Variants in PFAS observed in about 807,000 individuals in gnomAD.
PFAS encodes phosphoribosylformylglycinamidine synthase, also known as FGAM synthase.
In PFAS, 97 loss-of-function variants were observed where a neutral mutation model predicts 140.6. The observed-to-expected ratio is 0.69, with a 90% CI of 0.59 to 0.82. The LOEUF is 0.82. Ranked by LOEUF, PFAS falls within the 40% of genes least tolerant of loss-of-function variation. PFAS has a pLI of 0.00. For synonymous variants in PFAS, 679 were observed against 718.8 expected (o/e 0.94, Z 0.88); for missense variants, 1,656 against 1,780.2 (o/e 0.93, Z 1.26).
Position 8,255,046 on chromosome 17 carries a change from A to G in PFAS, c.298A>G (p.Thr100Ala), listed in dbSNP as rs769240702. ...VGPRLNFSTP[T>A]STNIVSVCRA... ...GTTCAGGCTGAACTTCTCCACCCCA[A>G]CATCCACCAACATCGTGTCAGTGTG... Residue 100 changes from threonine to alanine, a missense_variant, in exon 4 of 28, where the codon ACA (threonine) becomes GCA (alanine). Physicochemically the swap from Thr to Ala is moderately conservative, Grantham distance 58 (BLOSUM62 0). Transcript: ENST00000314666. 4.3e-6 allele frequency: 7 copies of G among 1,613,696 alleles called. No homozygotes were observed. The highest frequency in any genetic ancestry group is 1.6e-4 in the Middle Eastern group (1 of 6,062).
At chr17:8,255,962 G>C in intron 6 of PFAS, 52 bp downstream of exon 6, 1 of 1,348,820 alleles carries the variant, frequency 7.4e-7, no homozygotes, top group Non-Finnish European at 1.1e-6. Flanking sequence ...TGTTGGGAGA[G>C]ACCACAGGGG....
chr17:8,263,828 A>G lies in PFAS; in HGVS notation c.1683A>G (p.Glu561=), dbSNP rs757097784. Residue 561 remains glutamate, a synonymous_variant, in exon 15 of 28, where the codon GAA becomes GAG. Coordinates refer to ENST00000314666, the MANE Select transcript of PFAS (RefSeq NM_012393.3). ...ALEIWGAEYQ[E]SNALLLRSPN... is the part of the protein sequence containing the mutation. ...AAATCTGGGGGGCTGAGTACCAGGA[A>G]TCAAATGCTCTTCTGCTGAGGTCCC... The G allele has an allele frequency of 6.8e-6, 11 of 1,614,016 alleles. No individual in the cohort carries two copies. The African/African-American group carries it at 1.5e-4, about 22-fold the overall frequency.
At position 8,270,418 on chromosome 17, in the gene PFAS, T is replaced by G. The variant is rs1442081831; in HGVS notation, c.*1154T>G. 1 of 152,232 alleles carries G rather than the reference T, an allele frequency of 6.6e-6. No homozygotes were observed. Among genetic ancestry groups the G allele is most frequent in the Non-Finnish European group, 1.5e-5 (1 of 68,042 alleles). 9.4% of individuals were successfully genotyped at this position (152,232 alleles called of 1,614,324 possible). On this transcript the variant is annotated 3_prime_UTR_variant, in exon 28 of 28. Transcript: ENST00000314666. ...ATTTGGTATGTATCTGAATTAATTC[T>G]CACTAAAATTCAGCAAAGGACTTGA...
rs774154340 is a variant in PFAS, at chr17:8,255,865, G to A, written c.635G>A (p.Arg212Gln). 1.1e-5 allele frequency: 18 copies of A among 1,613,988 alleles called. No homozygotes were observed. Among genetic ancestry groups the A allele is most frequent in the Admixed American group, 6.7e-5 (4 of 59,988 alleles). The part of the protein sequence containing the change: ...FYTKRFQELQ[R>Q]NPSTVEAFDL... ...ACCAAGCGCTTCCAGGAGCTACAGC[G>A]GAACCCGAGCACTGTGGAGGCCTTT... Residue 212 changes from arginine to glutamine, a missense_variant, in exon 6 of 28, where the codon CGG (arginine) becomes CAG (glutamine). Physicochemically the swap from Arg to Gln is conservative, Grantham distance 43. Coordinates refer to ENST00000314666, the MANE Select transcript of PFAS (RefSeq NM_012393.3).
chr17:8,256,989 C>T (rs771623580), intron 9 of PFAS, 26 bp downstream of exon 9: 13 of 1,613,186 alleles, frequency 8.1e-6, no homozygotes, highest in Non-Finnish European at 1.0e-5. Flanking sequence ...TCTCTATCCA[C>T]CTTCCCTTCC....
In PFAS at chr17:8,253,963, T is replaced by C. The variant is rs754133256; in HGVS notation, c.26T>C (p.Val9Ala). Reference protein sequence around the residue: MSPVLHFYVRPSGHEGAAP... With the variant: MSPVLHFYARPSGHEGAAP... The stretch of plus-strand genomic sequence containing the variant: ...ATGTCCCCAGTCCTTCACTTCTATG[T>C]TCGTCCCTCTGGCCATGAGGGGGCA... Residue 9 changes from valine to alanine, a missense_variant, in exon 2 of 28, where the codon GTT becomes GCT. By Grantham distance (64) the Val-to-Ala change is moderately conservative. Transcript: ENST00000314666. 2 of 1,614,012 alleles carry C rather than the reference T, an allele frequency of 1.2e-6. No homozygotes were observed. The highest frequency in any genetic ancestry group is 2.2e-5 in the South Asian group (2 of 91,066).
intron 5 of PFAS, 55 bp from the exon 6 acceptor site, chr17:8,255,750 C>G: frequency 6.2e-7 from 1 of 1,604,190 alleles, no homozygotes; most frequent in African/African-American, 1.3e-5. Context: ...GTGCTGAGAT[C>G]TGGAATGTGG....
In PFAS at chr17:8,268,826, G is replaced by A. The variant is rs753787970; in HGVS notation, c.3676G>A (p.Val1226Met). 3.2e-5 allele frequency: 52 copies of A among 1,607,738 alleles called. No homozygotes were observed. Among genetic ancestry groups the A allele is most frequent in the Non-Finnish European group, 4.2e-5 (49 of 1,179,824 alleles). ...GATGCTGCGAGGGATGGAGGGCGCCGTGCTGCCCGTGTGGAGTGCGCACGG... is the reference window on the plus strand; with the variant it reads ...GATGCTGCGAGGGATGGAGGGCGCCATGCTGCCCGTGTGGAGTGCGCACGG... ...ALMLRGMEGA[V>M]LPVWSAHGEG... The change falls in exon 27 of 28, where the codon GTG (valine) becomes ATG (methionine). Residue 1226 changes from valine (V) to methionine (M), a missense_variant. Transcript: ENST00000314666.
At chr17:8,253,140 C>T (rs1239849495) in intron 1 of PFAS, among the ~76,000 whole-genome samples, 2 of 152,154 alleles carry the variant, frequency 1.3e-5, no homozygotes, top group African/African-American at 4.8e-5. Context: ...TTTCCTGACA[C>T]CTGAAGTGCA....
At chr17:8,250,500 CTGTGTTTT>C in intron 1 of PFAS, among the ~76,000 whole-genome samples, 1 of 152,140 alleles carries the variant, frequency 6.6e-6, no homozygotes, top group African/African-American at 2.4e-5. Flanking sequence ...AGGATGACTT[CTGTGTTTT>C]TGTCTTGAGC....
chr17:8,259,268 C>T lies in PFAS; in HGVS notation c.1336+1069C>T, dbSNP rs183779383. ...TTAATCTGCATTTTCTTTCTCAAGT[C>T]AGATTTTTTTTCTCTTTTTAGAGAC... On this transcript the variant is annotated intron_variant, in intron 11 of 27. Transcript: ENST00000314666. 3.2e-4 allele frequency among the ~76,000 whole-genome samples: 48 copies of T among 151,642 alleles called. 1 individual carries two copies. The highest frequency in any genetic ancestry group is 2.2e-3 in the Admixed American group (33 of 15,224).
In PFAS at chr17:8,257,805, A is replaced by G; in HGVS notation, c.1076-2A>G. ...ATCCAGTTCTCTCTCCTTCCCTCCC[A>G]GGTTACAATCTGCCCTGGGAGGATC... On this transcript the variant is annotated splice_acceptor_variant, in intron 9 of 27. Transcript: ENST00000314666. LOFTEE classifies it high-confidence loss of function. 1 of 1,613,792 alleles carries G rather than the reference A, an allele frequency of 6.2e-7. No homozygotes were observed. The highest frequency in any genetic ancestry group is 8.5e-7 in the Non-Finnish European group (1 of 1,179,762).
At chr17:8,262,879 T>C (rs7226094) in intron 11 of PFAS, 41 bp from the exon 12 acceptor site, 10 of 1,530,576 alleles carry the variant, frequency 6.5e-6, no homozygotes, top group Non-Finnish European at 9.1e-6. Context: ...CCTCTTCTCG[T>C]GGCTTCCCCA....
Position 8,267,311 on chromosome 17 carries a change from G to A in PFAS, c.3176-61G>A. 7.6e-6 allele frequency: 12 copies of A among 1,588,698 alleles called. No individual in the cohort carries two copies. Among genetic ancestry groups the A allele is most frequent in the Non-Finnish European group, 1.0e-5 (12 of 1,157,778 alleles). On this transcript the variant is annotated intron_variant, in intron 24 of 27. Coordinates refer to ENST00000314666, the MANE Select transcript of PFAS (RefSeq NM_012393.3). This position sits in a 1 kb window ranked among gnomAD's most constrained non-coding sequence, Gnocchi z 4.9. ...TGCCTGGGCCTGCCCTCAGAAAGGTGTCTGGGGAGTTGGGGTGGGGAAGTG... is the reference window on the plus strand; with the variant it reads ...TGCCTGGGCCTGCCCTCAGAAAGGTATCTGGGGAGTTGGGGTGGGGAAGTG...
rs1370948992 is a variant in PFAS at position 8,270,224 on chromosome 17, A to G, written c.*960A>G. The G allele has an allele frequency of 6.6e-6, 1 of 151,986 alleles. No homozygotes were observed. Among genetic ancestry groups the G allele is most frequent in the Non-Finnish European group, 1.5e-5 (1 of 67,980 alleles). 9.4% of individuals were successfully genotyped at this position (151,986 alleles called of 1,614,324 possible). ...AGGTGGTTGGGGCTCTCATCCCTAG[A>G]TCCTAACCCTTTAGTATGCTGGAAT... On this transcript the variant is annotated 3_prime_UTR_variant, in exon 28 of 28. Coordinates refer to ENST00000314666, the MANE Select transcript of PFAS (RefSeq NM_012393.3).
intron 11 of PFAS, chr17:8,262,648 T>C: frequency 2.8e-6 from 1 of 356,826 alleles, no homozygotes; most frequent in Non-Finnish European, 5.2e-6. Context: ...ATACAAAAAT[T>C]AGCCGGGCAC....
chr17:8,255,592 CAG>C lies in PFAS; in HGVS notation c.478_479del (p.Ser160PhefsTer4). On this transcript the variant is annotated frameshift_variant, in exon 5 of 28. Coordinates refer to ENST00000314666, the MANE Select transcript of PFAS (RefSeq NM_012393.3). LOFTEE classifies it high-confidence loss of function. ...MTEQHFPHPIQSFSPESMPEP... is the reference protein window; with the variant it reads ...MTEQHFPHPIXSFSPESMPEP... ...AGAGCAGCACTTCCCCCATCCCATCCAGAGTTTCTCCCCTGAGAGCATGCCGG... is the reference window on the plus strand; with the variant it reads ...AGAGCAGCACTTCCCCCATCCCATCCAGTTTCTCCCCTGAGAGCATGCCGG... 2 of 1,573,044 alleles carry C rather than the reference CAG, an allele frequency of 1.3e-6. No homozygotes were observed. Among genetic ancestry groups the C allele is most frequent in the Non-Finnish European group, 8.6e-7 (1 of 1,163,240 alleles).
At chr17:8,260,511 A>G (rs1597422669) in intron 11 of PFAS, among the ~76,000 whole-genome samples, 1 of 152,218 alleles carries the variant, frequency 6.6e-6, no homozygotes, top group Non-Finnish European at 1.5e-5. Flanking sequence ...TTATGTAGCT[A>G]TGTCGCATTT....
At chr17:8,248,082 G>A (rs746443526), upstream of PFAS, 10 of 1,373,176 alleles carry the variant, frequency 7.3e-6, no homozygotes, top group South Asian at 1.2e-4. Context: ...GCTCGCTTGG[G>A]GGTGGGGATG....
Sources: gnomAD v4.1 joint callset for allele counts (sites outside exome capture counted in the v4.1 genomes callset) on GRCh38, gnomAD v4.1.1 for gene constraint, Gnocchi (gnomAD v3.1) non-coding constraint, MANE v1.5 for transcripts, NCBI Gene and HGNC (gene_info 2026-07-23, HGNC 2026-07-21) for gene names.